The following MYO9A variants were observed in gnomAD, a reference collection of about 807,000 sequenced individuals.
MYO9A encodes myosin IXA, also known as unconventional myosin-IXa.
In MYO9A, 103 loss-of-function variants were observed where a neutral mutation model predicts 293.3. The observed-to-expected ratio is 0.35, with a 90% CI of 0.30 to 0.41. The LOEUF is 0.41. MYO9A is among the 10% of genes least tolerant of loss of function. MYO9A has a pLI of 1.00. For missense variants in MYO9A, 2,685 were observed against 3,033.0 expected (o/e 0.89, Z 2.69); for synonymous variants, 1,001 against 1,035.7 (o/e 0.97, Z 0.64).
chr15:72,032,440 G>A, intron 3 of MYO9A, 54 bp downstream of exon 3: 1 of 1,182,076 alleles, frequency 8.5e-7, no homozygotes, highest in South Asian at 1.6e-5. Flanking sequence ...AAAGGGTAAA[G>A]ACAAAAATTA....
At chr15:71,887,883 T>G in intron 27 of MYO9A, 121 bp downstream of exon 27, 1 of 508,114 alleles carries the variant, frequency 2.0e-6, no homozygotes, top group Non-Finnish European at 3.4e-6. Context: ...AATTGGTAAA[T>G]AAGTTTAATT....
At chr15:71,956,860 A>ATATATATATATATATAT (rs2059213708) in intron 14 of MYO9A, among the ~76,000 whole-genome samples, 1 of 140,346 alleles carries the variant, frequency 7.1e-6, no homozygotes, top group African/African-American at 2.7e-5. Context: ...CACACACACA[A>ATATATATATATATATAT]ATATATATAT....
rs754438791 is a variant in MYO9A, at chr15:71,951,765, T to C, written c.2302+12A>G. On this transcript the variant is annotated intron_variant, in intron 15 of 41. Transcript: ENST00000356056. ...ATATGTGATAACAGTTTATCAGGAT[T>C]TGTAGCCTTACTGTACTTCTCTTCC... is the stretch of plus-strand genomic sequence containing the variant. 3.1e-5 allele frequency: 50 copies of C among 1,613,598 alleles called. 1 individual carries two copies. In the South Asian group the frequency reaches 4.0e-4, roughly 13 times the overall value.
At chr15:72,004,414 G>A (rs374090133) in intron 8 of MYO9A, among the ~76,000 whole-genome samples, 3 of 152,112 alleles carry the variant, frequency 2.0e-5, no homozygotes, top group Admixed American at 6.5e-5. Context: ...AAAATTAGCC[G>A]GGCATGGTGG....
At chr15:71,951,702 C>T (rs1596267776) in intron 15 of MYO9A, 75 bp downstream of exon 15, 3 of 1,571,918 alleles carry the variant, frequency 1.9e-6, no homozygotes, top group Non-Finnish European at 8.7e-7. Context: ...TATATCCCAC[C>T]CTGGTGTAGG....
chr15:71,868,211 G>C (rs2056400453), intron 32 of MYO9A, among the ~76,000 whole-genome samples: 1 of 152,180 alleles, frequency 6.6e-6, no homozygotes, highest in South Asian at 2.1e-4. Context: ...TTGGACTGAG[G>C]TCCTATTTCC....
intron 10 of MYO9A, 73 bp from the exon 11 acceptor site, chr15:71,991,310 G>T: frequency 7.9e-7 from 1 of 1,259,436 alleles, no homozygotes; most frequent in Non-Finnish European, 1.1e-6. Context: ...CACAACATAA[G>T]TAACAAAATG....
At position 71,879,830 on chromosome 15, in the gene MYO9A, T is replaced by C; in HGVS notation, c.5630A>G (p.Asp1877Gly). 1.9e-6 allele frequency: 3 copies of C among 1,607,574 alleles called. No individual in the cohort carries two copies. The highest frequency in any genetic ancestry group is 2.6e-6 in the Non-Finnish European group (3 of 1,174,820). Residue 1877 changes from aspartate to glycine, a missense_variant, in exon 30 of 42, where the codon GAC becomes GGC. By Grantham distance (94) the Asp-to-Gly change is moderately conservative (BLOSUM62 -1). This residue lies in a region of MYO9A where 1,434 missense variants were observed against 1,497.7 expected (regional missense o/e 0.96). Transcript: ENST00000356056. Reference sequence around the variant, plus strand: ...CTTCTTGCTGTCTTCATTATCTAGGTCATTCACCTGGGAACCACAAAACGA... The same window carrying C: ...CTTCTTGCTGTCTTCATTATCTAGGCCATTCACCTGGGAACCACAAAACGA... The part of the protein sequence containing the change: ...MDEFLLKKVN[D>G]LDNEDSKKDT...
At chr15:72,056,864 C>T (rs2078734287) in intron 1 of MYO9A, among the ~76,000 whole-genome samples, 1 of 152,134 alleles carries the variant, frequency 6.6e-6, no homozygotes, top group African/African-American at 2.4e-5. Context: ...AATCCCTGCA[C>T]TTTGGGAGGC....
chr15:71,943,662 G>A (rs1439785859), intron 15 of MYO9A, among the ~76,000 whole-genome samples: 1 of 151,956 alleles, frequency 6.6e-6, no homozygotes, highest in African/African-American at 2.4e-5. Flanking sequence ...CATCACCAAA[G>A]TTGCCTTATG....
intron 34 of MYO9A, among the ~76,000 whole-genome samples, chr15:71,855,264 T>C (rs1275877801): frequency 6.6e-6 from 1 of 152,158 alleles, no homozygotes; most frequent in Non-Finnish European, 1.5e-5. Context: ...GCCTCCCAAG[T>C]AGCTGGGACT....
At position 71,978,250 on chromosome 15, in the gene MYO9A, A is replaced by G. The variant is rs150637983; in HGVS notation, c.1765T>C (p.Tyr589His). ...TEGISWHNID[Y>H]IDNTCCINLI... ...TTTATGCAGCAGGTATTATCAATGT[A>G]ATCTATGTTGTGCCAGCTGATACCT... Residue 589 changes from tyrosine (Y) to histidine (H), a missense_variant, in exon 12 of 42, where the codon TAC becomes CAC. By Grantham distance (83) the Tyr-to-His change is moderately conservative. This residue lies in a region of MYO9A where 201 missense variants were observed against 245.2 expected (regional missense o/e 0.82). Coordinates refer to ENST00000356056, the MANE Select transcript of MYO9A (RefSeq NM_006901.4). 2.6e-5 allele frequency: 42 copies of G among 1,612,456 alleles called. No homozygotes were observed. The highest frequency in any genetic ancestry group is 4.0e-5 in the African/African-American group (3 of 74,876).
intron 40 of MYO9A, 21 bp from the exon 41 acceptor site, chr15:71,828,047 A>T: frequency 6.2e-7 from 1 of 1,603,424 alleles, no homozygotes; most frequent in South Asian, 1.1e-5. Flanking sequence ...CAATCAAGAA[A>T]CCATTAGCAT....
chr15:72,025,995 C>T (rs1199473497), intron 4 of MYO9A, among the ~76,000 whole-genome samples: 2 of 151,890 alleles, frequency 1.3e-5, no homozygotes, highest in South Asian at 4.1e-4. Context: ...ATCACATTTC[C>T]ACGGCCAGGC....
intron 10 of MYO9A, among the ~76,000 whole-genome samples, chr15:71,991,654 G>T (rs956343732): frequency 6.6e-6 from 1 of 152,164 alleles, no homozygotes; most frequent in Non-Finnish European, 1.5e-5. Context: ...TTCCTATTTC[G>T]ACTTCTACAT....
Position 72,110,360 on chromosome 15 carries a change from C to T in MYO9A, c.-72+7320G>A, listed in dbSNP as rs181973519. ...CTGAGGCAGGAGAATCACTTGAACC[C>T]GGAAGCCGGAGGTTGCAGTGAGCCG... On this transcript the variant is annotated intron_variant, in intron 1 of 41. Coordinates refer to ENST00000356056, the MANE Select transcript of MYO9A (RefSeq NM_006901.4). Among the ~76,000 whole-genome samples the T allele has an allele frequency of 4.9e-4, 72 of 146,980 alleles. 1 individual carries two copies. The East Asian group carries it at 0.013, about 27-fold the overall frequency.
At chr15:71,918,470 G>A (rs1381646212) in intron 18 of MYO9A, among the ~76,000 whole-genome samples, 2 of 151,714 alleles carry the variant, frequency 1.3e-5, no homozygotes, top group Non-Finnish European at 2.9e-5. Context: ...CCTGACATGG[G>A]AAAATATTTG....
At chr15:72,055,778 G>C (rs1390730185) in intron 1 of MYO9A, among the ~76,000 whole-genome samples, 7 of 152,038 alleles carry the variant, frequency 4.6e-5, no homozygotes, top group African/African-American at 1.4e-4. Context: ...CCTTACTCCT[G>C]CAAGAATGGC....
At chr15:71,903,197 A>C in intron 21 of MYO9A, 134 bp from the exon 22 acceptor site, 1 of 719,758 alleles carries the variant, frequency 1.4e-6, no homozygotes. Flanking sequence ...TGTTAATTTA[A>C]GATATGATAA....
Sources: allele counts gnomAD v4.1 joint callset (sites outside exome capture counted in the v4.1 genomes callset), GRCh38; gene constraint gnomAD v4.1.1; regional missense constraint gnomAD v4.1.1; transcripts MANE v1.5; gene names NCBI Gene and HGNC (gene_info 2026-07-23, HGNC 2026-07-21).